FAT4: variants seen among roughly 807,000 people sequenced by gnomAD.
FAT4 encodes protocadherin Fat 4.
FAT4 carries 84 observed loss-of-function variants against 303.9 expected under a neutral mutation model. That is an observed-to-expected ratio of 0.28 (90% CI 0.23 to 0.33). FAT4 has a LOEUF of 0.33. FAT4 is among the 10% of genes least tolerant of loss of function. The pLI, the probability that FAT4 is intolerant of heterozygous loss-of-function variation, is 1.00. For missense variants in FAT4, 6,005 were observed against 6,146.8 expected (o/e 0.98, Z 0.77); for synonymous variants, 2,307 against 2,298.8 (o/e 1.00, Z -0.10).
At chr4:125,441,684 T>C (rs1725665007) in intron 8 of FAT4, among the ~76,000 whole-genome samples, 1 of 152,210 alleles carries the variant, frequency 6.6e-6, no homozygotes. Context: ...TTAACAATTA[T>C]ACTTCCTTCC....
At chr4:125,403,988 T>C (rs1734489884) in intron 3 of FAT4, among the ~76,000 whole-genome samples, 1 of 152,140 alleles carries the variant, frequency 6.6e-6, no homozygotes. Flanking sequence ...GGCATTCTAA[T>C]AGTACTTACC....
intron 7 of FAT4, among the ~76,000 whole-genome samples, chr4:125,420,758 C>T (rs192885618): frequency 1.5e-3 from 236 of 152,326 alleles, no homozygotes; most frequent in Middle Eastern, 6.8e-3. Context: ...GCTATATTCT[C>T]ATGACTTTCC....
At chr4:125,477,456 G>A in intron 14 of FAT4, 122 bp downstream of exon 14, 2 of 931,148 alleles carry the variant, frequency 2.1e-6, no homozygotes, top group Non-Finnish European at 3.1e-6. Flanking sequence ...GATTTACATT[G>A]TTTTGAATTT....
intron 2 of FAT4, among the ~76,000 whole-genome samples, chr4:125,368,729 CT>C (rs35704660): frequency 2.7e-4 from 39 of 145,562 alleles, no homozygotes; most frequent in East Asian, 4.0e-4. Context: ...ATATCCAAAA[CT>C]TTTTTTTTTT....
chr4:125,408,352 T>C, intron 4 of FAT4, 92 bp from the exon 5 acceptor site: 1 of 762,346 alleles, frequency 1.3e-6, no homozygotes, highest in South Asian at 1.9e-5. Flanking sequence ...TATTTTACTG[T>C]ACAAATACAT....
intron 2 of FAT4, among the ~76,000 whole-genome samples, chr4:125,340,256 T>G (rs1303604701): frequency 6.6e-6 from 1 of 152,164 alleles, no homozygotes; most frequent in African/African-American, 2.4e-5. Context: ...TGAGACTCTC[T>G]TAGGTGGATA....
At chr4:125,398,991 A>C (rs1022031801) in intron 3 of FAT4, 76 bp downstream of exon 3, 5 of 1,353,462 alleles carry the variant, frequency 3.7e-6, no homozygotes, top group Middle Eastern at 1.8e-4. Flanking sequence ...TATGTTGACT[A>C]CTTTTATTAC....
intron 7 of FAT4, among the ~76,000 whole-genome samples, chr4:125,420,856 C>A (rs1724846659): frequency 6.6e-6 from 1 of 152,178 alleles, no homozygotes; most frequent in Non-Finnish European, 1.5e-5. Context: ...TACTATCCAC[C>A]TTTTCTTACT....
chr4:125,393,756 C>G (rs1734061531), intron 2 of FAT4, among the ~76,000 whole-genome samples: 1 of 152,140 alleles, frequency 6.6e-6, no homozygotes, highest in African/African-American at 2.4e-5. Flanking sequence ...ATATTTCTAA[C>G]TTAAATTTTA....
At chr4:125,459,249 T>A (rs1726399612) in intron 10 of FAT4, among the ~76,000 whole-genome samples, 1 of 152,076 alleles carries the variant, frequency 6.6e-6, no homozygotes, top group Admixed American at 6.6e-5. Context: ...CAGTTGAGAA[T>A]AAATTTAGCT....
chr4:125,350,679 C>A (rs1732186505), intron 2 of FAT4, among the ~76,000 whole-genome samples: 2 of 151,630 alleles, frequency 1.3e-5, no homozygotes, highest in Admixed American at 6.6e-5. Flanking sequence ...AGGCTTGGAT[C>A]CTTACAAGTT....
At chr4:125,355,646 C>T (rs895232949) in intron 2 of FAT4, among the ~76,000 whole-genome samples, 1 of 151,960 alleles carries the variant, frequency 6.6e-6, no homozygotes, top group Non-Finnish European at 1.5e-5. Flanking sequence ...TTTTATGATA[C>T]AGGTAAAATA....
chr4:125,375,732 C>T (rs1471340673), intron 2 of FAT4, among the ~76,000 whole-genome samples: 1 of 152,176 alleles, frequency 6.6e-6, no homozygotes, highest in Non-Finnish European at 1.5e-5. Context: ...GAATTAATTT[C>T]TGCTTTTAAC....
intron 11 of FAT4, among the ~76,000 whole-genome samples, chr4:125,464,295 G>A (rs1726582335): frequency 6.6e-6 from 1 of 152,034 alleles, no homozygotes; most frequent in African/African-American, 2.4e-5. Flanking sequence ...CACCCTAGTG[G>A]AATGAACTAA....
At chr4:125,484,213 T>A (rs1449585203) in intron 16 of FAT4, among the ~76,000 whole-genome samples, 1 of 151,710 alleles carries the variant, frequency 6.6e-6, no homozygotes, top group Non-Finnish European at 1.5e-5. Flanking sequence ...GCAATAGTGA[T>A]GAGAGGAGAG....
At chr4:125,465,898 A>G (rs1726644393) in intron 11 of FAT4, among the ~76,000 whole-genome samples, 1 of 152,218 alleles carries the variant, frequency 6.6e-6, no homozygotes, top group African/African-American at 2.4e-5. Flanking sequence ...AGATAGAAGC[A>G]GAAACAAAAA....
chr4:125,472,021 C>T (rs1434397708), intron 12 of FAT4, among the ~76,000 whole-genome samples: 1 of 139,902 alleles, frequency 7.1e-6, no homozygotes, highest in African/African-American at 2.7e-5. Context: ...TGCAGTGAGC[C>T]GAGATCTCGC....
At chr4:125,427,920 C>T (rs939103340) in intron 7 of FAT4, among the ~76,000 whole-genome samples, 75 of 152,174 alleles carry the variant, frequency 4.9e-4, no homozygotes, top group African/African-American at 1.8e-3. Context: ...GAACTTCAAT[C>T]GTTTAAACTC....
rs1255821011 is a variant in FAT4 at position 125,318,849 on chromosome 4, G to C, written c.2438G>C (p.Gly813Ala). The change falls in exon 2 of 18, where the codon GGT becomes GCT. Residue 813 changes from glycine (G) to alanine (A), a missense_variant. Coordinates refer to ENST00000394329, the MANE Select transcript of FAT4 (RefSeq NM_001291303.3). ...FENVALGYHV[G>A]SVSASTMDLN... ...AACGTGGCGCTGGGATATCATGTGG[G>C]TAGTGTGTCTGCATCCACCATGGAT... The C allele has an allele frequency of 3.1e-6, 5 of 1,614,170 alleles. No homozygotes were observed. Among genetic ancestry groups the C allele is most frequent in the Non-Finnish European group, 8.5e-7 (1 of 1,180,032 alleles).
Sources: gnomAD v4.1 joint callset for allele counts (sites outside exome capture counted in the v4.1 genomes callset) on GRCh38, gnomAD v4.1.1 for gene constraint, MANE v1.5 for transcripts, NCBI Gene and HGNC (gene_info 2026-07-23, HGNC 2026-07-21) for gene names.